Variants in ST18 observed in about 807,000 individuals in gnomAD.
The protein encoded by ST18 is ST18 C2H2C-type zinc finger transcription factor.
A neutral mutation model predicts 110.0 loss-of-function variants in ST18; 50 were observed. The ratio of observed to expected loss-of-function variants is 0.45; its 90% CI spans 0.36 to 0.58. The LOEUF is 0.58. Among genes scored for constraint, ST18 ranks in the 20% least tolerant of loss-of-function variants. The pLI is 0.00. For missense variants in ST18, 1,306 were observed against 1,280.1 expected (o/e 1.02, Z -0.31); for synonymous variants, 461 against 452.4 (o/e 1.02, Z -0.24).
intron 2 of ST18, among the ~76,000 whole-genome samples, chr8:52,255,846 C>T (rs1027245545): frequency 1.3e-5 from 2 of 152,206 alleles, no homozygotes; most frequent in Admixed American, 6.5e-5. Flanking sequence ...AGACGAGGAA[C>T]GTGAGAGAAA....
chr8:52,202,009 C>A (rs2360805), intron 8 of ST18, among the ~76,000 whole-genome samples: 17 of 152,022 alleles, frequency 1.1e-4, no homozygotes, highest in African/African-American at 3.4e-4. Flanking sequence ...TAGGCTGATT[C>A]GTAGTTGAGG....
intron 2 of ST18, among the ~76,000 whole-genome samples, chr8:52,358,908 A>G (rs1389996563): frequency 6.6e-6 from 1 of 152,002 alleles, no homozygotes; most frequent in Admixed American, 6.6e-5. Flanking sequence ...TAAAGACATC[A>G]GAAGAAAAAA....
chr8:52,173,376 A>C (rs1327735595), intron 9 of ST18, among the ~76,000 whole-genome samples: 1 of 152,214 alleles, frequency 6.6e-6, no homozygotes, highest in Non-Finnish European at 1.5e-5. Context: ...GTACAAGGCT[A>C]CTTTGGGTCC....
intron 2 of ST18, among the ~76,000 whole-genome samples, chr8:52,329,916 G>A (rs1023060356): frequency 3.3e-5 from 5 of 152,122 alleles, no homozygotes; most frequent in East Asian, 1.9e-4. Context: ...ATCTGTTTTC[G>A]TAGCTAATAG....
rs532668948 is a variant in ST18 at position 52,314,005 on chromosome 8, C to A, written c.-464-83928G>T. Among the ~76,000 whole-genome samples the A allele has an allele frequency of 4.5e-4, 68 of 152,292 alleles. No individual in the cohort carries two copies. The South Asian group carries it at 7.9e-3, about 18-fold the overall frequency. ...TCAGCTGATGGCTCCACTGGGCCTA[C>A]CTTCAGGACCCAGCGCAGCTCTCAA... On this transcript the variant is annotated intron_variant, in intron 2 of 25. Coordinates refer to ENST00000689386, the MANE Select transcript of ST18 (RefSeq NM_001352837.2).
At chr8:52,318,890 G>T (rs952207399) in intron 2 of ST18, among the ~76,000 whole-genome samples, 2 of 151,706 alleles carry the variant, frequency 1.3e-5, no homozygotes, top group Admixed American at 1.3e-4. Context: ...GGACACATGG[G>T]GGGGTGGGAC....
chr8:52,297,625 A>G (rs1402388883), intron 2 of ST18, among the ~76,000 whole-genome samples: 1 of 152,240 alleles, frequency 6.6e-6, no homozygotes, highest in Admixed American at 6.5e-5. Flanking sequence ...GAAAAGTTAA[A>G]GGCACCTACA....
intron 16 of ST18, among the ~76,000 whole-genome samples, chr8:52,146,914 T>C (rs2057463777): frequency 6.6e-6 from 1 of 152,218 alleles, no homozygotes; most frequent in Admixed American, 6.5e-5. Flanking sequence ...ATCACCCTGT[T>C]CAGATAACTG....
intron 2 of ST18, among the ~76,000 whole-genome samples, chr8:52,371,771 A>G (rs911260042): frequency 1.3e-5 from 2 of 152,206 alleles, no homozygotes; most frequent in Non-Finnish European, 2.9e-5. Context: ...CCCATCGCCT[A>G]GTGATGTCAC....
intron 2 of ST18, among the ~76,000 whole-genome samples, chr8:52,276,128 C>CA (rs1564392752): frequency 7.9e-3 from 88 of 11,166 alleles, no homozygotes; most frequent in African/African-American, 0.01. Flanking sequence ...CTATCACATA[C>CA]CACACACACA....
At chr8:52,292,743 T>C (rs2095575129) in intron 2 of ST18, among the ~76,000 whole-genome samples, 1 of 152,254 alleles carries the variant, frequency 6.6e-6, no homozygotes, top group African/African-American at 2.4e-5. Flanking sequence ...TTGAGTGTTT[T>C]TAAATGATGG....
At chr8:52,245,099 TCC>T (rs1268999727) in intron 2 of ST18, among the ~76,000 whole-genome samples, 1 of 152,148 alleles carries the variant, frequency 6.6e-6, no homozygotes, top group Non-Finnish European at 1.5e-5. Context: ...AGACTAATTC[TCC>T]ACCATTGTTT....
At chr8:52,355,984 C>G (rs575168997) in intron 2 of ST18, among the ~76,000 whole-genome samples, 1 of 152,092 alleles carries the variant, frequency 6.6e-6, no homozygotes, top group African/African-American at 2.4e-5. Context: ...AACAACCAGA[C>G]AAGCAACACT....
At chr8:52,139,324 A>T (rs887563088) in intron 17 of ST18, among the ~76,000 whole-genome samples, 18 of 43,254 alleles carry the variant, frequency 4.2e-4, no homozygotes, top group African/African-American at 8.9e-4. Context: ...GCATTGCATT[A>T]TATATATATA....
intron 2 of ST18, among the ~76,000 whole-genome samples, chr8:52,236,278 C>A (rs755165689): frequency 3.3e-5 from 5 of 152,128 alleles, no homozygotes; most frequent in Non-Finnish European, 5.9e-5. Flanking sequence ...TTAAGGTGAG[C>A]AAACTTAAGT....
At chr8:52,132,241 A>AGAGAACAAACCAT in intron 21 of ST18, 62 bp from the exon 22 acceptor site, 1 of 1,406,692 alleles carries the variant, frequency 7.1e-7, no homozygotes, top group Non-Finnish European at 9.7e-7. Context: ...TATGCTCTCC[A>AGAGAACAAACCAT]GAGAACAAAC....
intron 2 of ST18, among the ~76,000 whole-genome samples, chr8:52,248,974 T>C (rs1378474491): frequency 6.6e-6 from 1 of 152,084 alleles, no homozygotes; most frequent in African/African-American, 2.4e-5. Flanking sequence ...GCCCCAGGTT[T>C]CCATTATCTT....
intron 2 of ST18, among the ~76,000 whole-genome samples, chr8:52,387,312 C>T (rs1352713389): frequency 1.3e-5 from 2 of 152,154 alleles, no homozygotes; most frequent in Admixed American, 1.3e-4. Context: ...TTGGAGAGTT[C>T]AAGTGACATT....
chr8:52,235,891 T>G (rs1188832101), intron 2 of ST18, among the ~76,000 whole-genome samples: 1 of 152,136 alleles, frequency 6.6e-6, no homozygotes, highest in Admixed American at 6.5e-5. Context: ...TATGCTACAA[T>G]TAGAGGAATG....
Sources: allele counts gnomAD v4.1 joint callset (sites outside exome capture counted in the v4.1 genomes callset), GRCh38; gene constraint gnomAD v4.1.1; transcripts MANE v1.5; gene names NCBI Gene and HGNC (gene_info 2026-07-23, HGNC 2026-07-21).